The following STX12 variants were observed in gnomAD, a reference collection of about 807,000 sequenced individuals.
The protein encoded by STX12 is syntaxin 12, also known as syntaxin-12.
A neutral mutation model predicts 42.2 loss-of-function variants in STX12; 17 were observed. That is an observed-to-expected ratio of 0.40 (90% CI 0.28 to 0.60). STX12 has a LOEUF of 0.60. Ranked by LOEUF, STX12 falls within the 20% of genes least tolerant of loss-of-function variation. The pLI is 0.39. For missense variants in STX12, 297 were observed against 330.9 expected, an observed-to-expected ratio of 0.90 and a Z score of 0.79; for synonymous variants, 108 against 116.7, an observed-to-expected ratio of 0.93 and a Z score of 0.48.
chr1:27,800,523 GTGTGTGTGTTT>G (rs1256394394), intron 3 of STX12, among the ~76,000 whole-genome samples: 2 of 142,340 alleles, frequency 1.4e-5, no homozygotes, highest in African/African-American at 5.7e-5. Context: ...GTGTGTGTGT[GTGTGTGTGTTT>G]TGTTTTGTTT....
At position 27,822,320 on chromosome 1, in the gene STX12, A is replaced by T. The variant is rs1305137448; in HGVS notation, c.822A>T (p.Lys274Asn). 6.2e-7 allele frequency: 1 copy of T among 1,607,778 alleles called. No homozygotes were observed. Among genetic ancestry groups the T allele is most frequent in the South Asian group, 1.1e-5 (1 of 90,918 alleles). The change falls in exon 9 of 9, where the codon AAA becomes AAT. Residue 274 changes from lysine (K) to asparagine (N), a missense_variant. Coordinates refer to ENST00000373943, the MANE Select transcript of STX12 (RefSeq NM_177424.3). ...ILGLIIWLVY[K>N]TK ...GACTTATTATCTGGCTAGTTTATAAAACGAAGTGATTGCCTCCGATCGTTC... is the reference window on the plus strand; with the variant it reads ...GACTTATTATCTGGCTAGTTTATAATACGAAGTGATTGCCTCCGATCGTTC...
chr1:27,778,956 C>T (rs559203139), intron 1 of STX12, among the ~76,000 whole-genome samples: 2 of 152,268 alleles, frequency 1.3e-5, no homozygotes, highest in African/African-American at 2.4e-5. Flanking sequence ...ACGGGGGTCT[C>T]GCTGTGTTGC....
chr1:27,796,330 T>G (rs1304008064), intron 3 of STX12, among the ~76,000 whole-genome samples: 1 of 152,192 alleles, frequency 6.6e-6, no homozygotes, highest in Non-Finnish European at 1.5e-5. Flanking sequence ...TTTCCATACT[T>G]ATATACTATC....
chr1:27,808,416 A>C (rs1167606806), intron 4 of STX12, among the ~76,000 whole-genome samples: 1 of 151,552 alleles, frequency 6.6e-6, no homozygotes, highest in Non-Finnish European at 1.5e-5. Flanking sequence ...ATCTTGGCTC[A>C]CTGCAACCTC....
chr1:27,784,504 G>A lies in STX12; in HGVS notation c.119-5058G>A, dbSNP rs140674467. 1.7e-3 allele frequency among the ~76,000 whole-genome samples: 252 copies of A among 152,274 alleles called. 2 individuals carry two copies. The highest frequency in any genetic ancestry group is 8.3e-3 in the East Asian group (43 of 5,176). ...CAAATTGTTGGGATTGTAGGTGTGA[G>A]CCACTGTGCCTGGCCTCACTTTTCT... On this transcript the variant is annotated intron_variant, in intron 1 of 8. Coordinates refer to ENST00000373943, the MANE Select transcript of STX12 (RefSeq NM_177424.3).
intron 3 of STX12, among the ~76,000 whole-genome samples, chr1:27,800,917 A>G (rs1271757386): frequency 6.6e-6 from 1 of 152,224 alleles, no homozygotes. Context: ...TTAAACCACT[A>G]AAAGCCTGTG....
chr1:27,817,809 C>T (rs1158269458), intron 6 of STX12, 42 bp from the exon 7 acceptor site: 4 of 1,575,900 alleles, frequency 2.5e-6, no homozygotes, highest in Non-Finnish European at 1.7e-6. Flanking sequence ...AATCTTCTAA[C>T]ATGTTGCTTA....
chr1:27,809,928 A>G (rs1275048909), intron 4 of STX12: 1 of 208,712 alleles, frequency 4.8e-6, no homozygotes, highest in Admixed American at 5.5e-5. Flanking sequence ...GTATTCTTGC[A>G]AGTTTATCTA....
intron 6 of STX12, among the ~76,000 whole-genome samples, chr1:27,817,056 A>G (rs758962562): frequency 4.7e-5 from 7 of 147,380 alleles, no homozygotes; most frequent in East Asian, 2.0e-4. Flanking sequence ...GGGAGGGAGG[A>G]AGGAAGGAAG....
At chr1:27,778,696 CAGGAAAAAA>C (rs2088643891) in intron 1 of STX12, among the ~76,000 whole-genome samples, 1 of 140,456 alleles carries the variant, frequency 7.1e-6, no homozygotes, top group African/African-American at 2.7e-5. Flanking sequence ...GATTCCATCT[CAGGAAAAAA>C]AAAAAAAAAA....
intron 3 of STX12, among the ~76,000 whole-genome samples, chr1:27,798,964 AAAAC>A (rs2088808386): frequency 6.6e-6 from 1 of 151,864 alleles, no homozygotes; most frequent in Non-Finnish European, 1.5e-5. Context: ...AAAAAAAAAA[AAAAC>A]AAAAACATAA....
chr1:27,798,598 T>C (rs918818676), intron 3 of STX12, among the ~76,000 whole-genome samples: 59 of 147,328 alleles, frequency 4.0e-4, no homozygotes, highest in African/African-American at 1.2e-3. Flanking sequence ...TGAGCTGAGA[T>C]TGTGCCATTG....
intron 4 of STX12, chr1:27,802,069 C>T (rs567185296): frequency 3.7e-4 from 90 of 240,922 alleles, no homozygotes; most frequent in African/African-American, 1.8e-3. Flanking sequence ...TTGGTTTTAA[C>T]GTTAAAAACT....
Position 27,822,275 on chromosome 1 carries a change from A to C in STX12, c.777A>C (p.Ser259=). The C allele has an allele frequency of 6.2e-7, 1 of 1,613,912 alleles. No homozygotes were observed. Among genetic ancestry groups the C allele is most frequent in the Non-Finnish European group, 8.5e-7 (1 of 1,179,784 alleles). Residue 259 remains serine (S), a synonymous_variant, in exon 9 of 9, where the codon TCA becomes TCC. Coordinates refer to ENST00000373943, the MANE Select transcript of STX12 (RefSeq NM_177424.3). ...TGTGTATCCTGGTGCTTGTCCTGTC[A>C]GTGATTATTCTAATCTTGGGACTTA... ...KKMCILVLVL[S]VIILILGLII... is the part of the protein sequence containing the mutation.
intron 6 of STX12, among the ~76,000 whole-genome samples, chr1:27,816,783 G>C (rs767154022): frequency 1.5e-4 from 23 of 152,064 alleles, no homozygotes; most frequent in Non-Finnish European, 2.1e-4. Flanking sequence ...GGGCGTGGTG[G>C]CATGGGCCTG....
Position 27,793,639 on chromosome 1 carries a change from A to G in STX12, c.288+7A>G. On this transcript the variant is annotated splice_region_variant and intron_variant, in intron 3 of 8. Transcript: ENST00000373943. ...CTTATCTACTTCAGAACAGGTTGGT[A>G]TTTTCTGTTTTGTTTATTAATAGGA... The G allele has an allele frequency of 6.2e-7, 1 of 1,610,146 alleles. No homozygotes were observed. The highest frequency in any genetic ancestry group is 8.5e-7 in the Non-Finnish European group (1 of 1,176,728).
intron 3 of STX12, among the ~76,000 whole-genome samples, chr1:27,793,994 G>GTTT (rs57655012): frequency 4.2e-5 from 6 of 142,910 alleles, no homozygotes; most frequent in African/African-American, 1.5e-4. Context: ...CTTTCTCCTA[G>GTTT]TTTTTTTTTT....
chr1:27,810,308 CA>C lies in STX12; in HGVS notation c.470+21del, dbSNP rs756385921. 3 of 1,605,988 alleles carry C rather than the reference CA, an allele frequency of 1.9e-6. No homozygotes were observed. In the South Asian group the frequency reaches 3.3e-5, roughly 18 times the overall value. On this transcript the variant is annotated intron_variant, in intron 5 of 8. Transcript: ENST00000373943. The stretch of plus-strand genomic sequence containing the variant: ...TTGACAGGTAATAGAATTATTCATA[CA>C]ACCTGCTGGATAGTTGAGATGGGAA...
rs546456197 is a variant in STX12 at position 27,797,668 on chromosome 1, ATATCT to A, written c.289-4008_289-4004del. Among the ~76,000 whole-genome samples, 37 of 152,042 alleles carry A rather than the reference ATATCT, an allele frequency of 2.4e-4. 1 individual carries two copies. Among genetic ancestry groups the A allele is most frequent in the Non-Finnish European group, 5.1e-4 (35 of 68,006 alleles). ...CCCTTCACCTCTAAGTGCGTGGCCC[ATATCT>A]TCAATTCATGTTCTGACATCTCCTC... On this transcript the variant is annotated intron_variant, in intron 3 of 8. Coordinates refer to ENST00000373943, the MANE Select transcript of STX12 (RefSeq NM_177424.3).
Sources: gnomAD v4.1 joint callset for allele counts (sites outside exome capture counted in the v4.1 genomes callset) on GRCh38, gnomAD v4.1.1 for gene constraint, MANE v1.5 for transcripts, NCBI Gene and HGNC (gene_info 2026-07-23, HGNC 2026-07-21) for gene names.